Variants in SRRM3 observed in about 807,000 individuals in gnomAD.
SRRM3 encodes serine/arginine repetitive matrix protein 3.
Under a neutral mutation model 66.2 loss-of-function variants are expected in SRRM3, and 27 were observed. The observed-to-expected ratio is 0.41, with a 90% confidence interval of 0.30 to 0.56. The LOEUF (loss-of-function observed/expected upper bound fraction) is 0.56. Ranked by LOEUF, SRRM3 falls within the 20% of genes least tolerant of loss-of-function variation. SRRM3 has a pLI of 0.32. For synonymous variants in SRRM3, 391 were observed against 414.9 expected (o/e 0.94, Z 0.70); for missense variants, 918 against 991.9 (o/e 0.93, Z 1.00).
chr7:76,271,430 T>C lies in SRRM3; in HGVS notation c.1008+3995T>C, dbSNP rs1802211459. Among the ~76,000 whole-genome samples the C allele has an allele frequency of 3.9e-5, 6 of 152,158 alleles. 1 individual carries two copies. In the South Asian group the frequency reaches 1.2e-3, roughly 32 times the overall value. On this transcript the variant is annotated intron_variant, in intron 11 of 14. Coordinates refer to ENST00000611745, the MANE Select transcript of SRRM3 (RefSeq NM_001110199.3). ...AGTCCAAGGCTGCAGTAAGCCATGA[T>C]TGCACCACTGTACTCCAGCCTGGGC...
chr7:76,260,968 G>A lies in SRRM3; in HGVS notation c.575+65G>A, dbSNP rs1179201547. 6.6e-6 allele frequency: 10 copies of A among 1,518,088 alleles called. No homozygotes were observed. The East Asian group carries it at 2.0e-4, about 30-fold the overall frequency. 94.0% of individuals were successfully genotyped at this position (1,518,088 alleles called of 1,614,324 possible). A position where few individuals can be genotyped will look rare whatever the true frequency, so the allele number is the denominator to read the frequency against. ...TGTCTGTGGGTGGGAGAGATTCCAA[G>A]GCCATCCCCCAGAGGCCGGAGGCCT... On this transcript the variant is annotated intron_variant, in intron 6 of 14. Transcript: ENST00000611745.
intron 11 of SRRM3, among the ~76,000 whole-genome samples, chr7:76,271,303 A>G (rs1802206739): frequency 6.6e-6 from 1 of 152,038 alleles, no homozygotes; most frequent in Non-Finnish European, 1.5e-5. Context: ...CTGTATCTCT[A>G]CAAAAAATAT....
intron 3 of SRRM3, among the ~76,000 whole-genome samples, chr7:76,249,873 A>G (rs1345253611): frequency 1.3e-5 from 2 of 152,106 alleles, no homozygotes; most frequent in Admixed American, 6.6e-5. Flanking sequence ...TCAAAAAATA[A>G]TAATAAAATA....
intron 9 of SRRM3, 89 bp from the exon 10 acceptor site, chr7:76,265,275 A>T (rs1583925407): frequency 1.1e-6 from 1 of 872,798 alleles, no homozygotes; most frequent in Non-Finnish European, 1.7e-6. Flanking sequence ...TTCCACTGGG[A>T]TCCTGGTGGG....
rs1243393227 is a variant in SRRM3 at position 76,263,875 on chromosome 7, G to GCCAAAAAAAAAAAAAAAA, written c.675-890_675-889insCCAAAAAAAAAAAAAAAA. On this transcript the variant is annotated intron_variant, in intron 8 of 14. Coordinates refer to ENST00000611745, the MANE Select transcript of SRRM3 (RefSeq NM_001110199.3). ...GCAACAGAGCGGGACTCTGTCTCAA[G>GCCAAAAAAAAAAAAAAAA]ACAAAAAAAAAAAAAAAAAAAAAAA... is the stretch of plus-strand genomic sequence containing the variant. 1.1e-4 allele frequency among the ~76,000 whole-genome samples: 3 copies of GCCAAAAAAAAAAAAAAAA among 26,760 alleles called. 1 individual carries two copies. The highest frequency in any genetic ancestry group is 1.4e-4 in the African/African-American group (1 of 6,912). The allele number at this position is 26,760 out of a possible 152,430, so 17.6% of individuals were successfully genotyped here.
intron 1 of SRRM3, among the ~76,000 whole-genome samples, chr7:76,211,009 T>G (rs1800418435): frequency 6.6e-6 from 1 of 152,166 alleles, no homozygotes; most frequent in Non-Finnish European, 1.5e-5. Flanking sequence ...AGACAGGGTT[T>G]CAACATATTG....
At position 76,212,501 on chromosome 7, in the gene SRRM3, C is replaced by T. The variant is rs187346867; in HGVS notation, c.-40+10434C>T. ...TTTTTTTTTTTTAGATGGAGTGTTG[C>T]TCTGTTGCCCAGGCTGGAGTGCAGT... On this transcript the variant is annotated intron_variant, in intron 1 of 14. Transcript: ENST00000611745. 1.5e-3 allele frequency among the ~76,000 whole-genome samples: 184 copies of T among 124,138 alleles called. 8 individuals carry two copies. In the South Asian group the frequency reaches 0.045, roughly 30 times the overall value. The allele number at this position is 124,138 out of a possible 152,430, so 81.4% of individuals were successfully genotyped here. A position where few individuals can be genotyped will look rare whatever the true frequency, so the allele number is the denominator to read the frequency against.
chr7:76,215,522 C>A (rs1800541925), intron 1 of SRRM3, among the ~76,000 whole-genome samples: 1 of 151,190 alleles, frequency 6.6e-6, no homozygotes. Flanking sequence ...CCACCTCAGC[C>A]TCCCGAGTAG....
intron 1 of SRRM3, among the ~76,000 whole-genome samples, chr7:76,222,755 G>T (rs1318207678): frequency 2.0e-5 from 3 of 152,008 alleles, no homozygotes; most frequent in Non-Finnish European, 4.4e-5. Flanking sequence ...CCAAGTAGCT[G>T]GGATTACAGG....
chr7:76,219,273 G>A (rs897241778), intron 1 of SRRM3, among the ~76,000 whole-genome samples: 1 of 152,200 alleles, frequency 6.6e-6, no homozygotes, highest in African/African-American at 2.4e-5. Flanking sequence ...GGCTGGGTCT[G>A]TCCCATTTAC....
Position 76,283,012 on chromosome 7 carries a change from C to T in SRRM3, c.1644C>T (p.Thr548=). 2 of 1,470,824 alleles carry T rather than the reference C, an allele frequency of 1.4e-6. No individual in the cohort carries two copies. Among genetic ancestry groups the T allele is most frequent in the Non-Finnish European group, 1.8e-6 (2 of 1,118,672 alleles). The allele number at this position is 1,470,824 out of a possible 1,614,324, so 91.1% of individuals were successfully genotyped here. A position where few individuals can be genotyped will look rare whatever the true frequency, so the allele number is the denominator to read the frequency against. Residue 548 remains threonine, a synonymous_variant, in exon 14 of 15, where the codon ACC becomes ACT. Transcript: ENST00000611745. ...GRARHSEAEA[T]RARRRSRSYS... is the part of the protein sequence containing the mutation. ...CAAGGCACTCTGAGGCCGAGGCCAC[C>T]CGCGCCCGGCGCCGCTCCCGCAGCT...
At chr7:76,225,799 G>A (rs1241537296) in intron 1 of SRRM3, among the ~76,000 whole-genome samples, 1 of 152,168 alleles carries the variant, frequency 6.6e-6, no homozygotes, top group African/African-American at 2.4e-5. Flanking sequence ...CATTTCCCAT[G>A]CATTAGTCCT....
intron 3 of SRRM3, among the ~76,000 whole-genome samples, chr7:76,258,086 G>A (rs1449401254): frequency 6.6e-6 from 1 of 152,198 alleles, no homozygotes; most frequent in Non-Finnish European, 1.5e-5. Context: ...GGAGGTGTCT[G>A]GTCCCTGCTG....
intron 1 of SRRM3, among the ~76,000 whole-genome samples, chr7:76,211,615 C>A (rs1554601708): frequency 1.3e-5 from 2 of 152,140 alleles, no homozygotes; most frequent in East Asian, 3.9e-4. Flanking sequence ...GGTCATATGG[C>A]CTGGGGCCTT....
intron 2 of SRRM3, among the ~76,000 whole-genome samples, chr7:76,239,169 A>G (rs1358229311): frequency 2.6e-5 from 4 of 151,674 alleles, no homozygotes; most frequent in African/African-American, 7.3e-5. Flanking sequence ...AGTAGCTGGG[A>G]CTATAGGAGC....
chr7:76,220,809 C>T (rs1476810625), intron 1 of SRRM3, among the ~76,000 whole-genome samples: 2 of 152,208 alleles, frequency 1.3e-5, no homozygotes, highest in Non-Finnish European at 2.9e-5. Context: ...GGGGCTCTGG[C>T]CAAGATTTTC....
At chr7:76,274,949 T>C (rs1402309561) in intron 11 of SRRM3, among the ~76,000 whole-genome samples, 1 of 151,754 alleles carries the variant, frequency 6.6e-6, no homozygotes, top group African/African-American at 2.4e-5. Context: ...CTACTAAAAA[T>C]ACAAAAATTA....
chr7:76,227,363 C>A (rs1234461779), intron 1 of SRRM3, among the ~76,000 whole-genome samples: 1 of 152,204 alleles, frequency 6.6e-6, no homozygotes, highest in Admixed American at 6.5e-5. Flanking sequence ...CAAGCACCTC[C>A]AATTTGTTCT....
chr7:76,212,065 G>A lies in SRRM3; in HGVS notation c.-40+9998G>A, dbSNP rs1325315394. ...CTACAAAACTCAGCCTGTTGCCCAG[G>A]CTGGTCTTGAACTCCTGGCCTCAAG... On this transcript the variant is annotated intron_variant, in intron 1 of 14. Transcript: ENST00000611745. 2.0e-5 allele frequency among the ~76,000 whole-genome samples: 3 copies of A among 151,300 alleles called. No individual in the cohort carries two copies. In the East Asian group the frequency reaches 5.8e-4, roughly 29 times the overall value.
Sources: gnomAD v4.1 joint callset for allele counts (sites outside exome capture counted in the v4.1 genomes callset) on GRCh38, gnomAD v4.1.1 for gene constraint, MANE v1.5 for transcripts, NCBI Gene and HGNC (gene_info 2026-07-23, HGNC 2026-07-21) for gene names.